Variants in NRXN3 observed in about 807,000 individuals in gnomAD.
The protein encoded by NRXN3 is neurexin III.
A neutral mutation model predicts 137.6 loss-of-function variants in NRXN3; 32 were observed. The observed-to-expected ratio is 0.23, with a 90% CI of 0.18 to 0.31. NRXN3 has a LOEUF of 0.31. Ranked by LOEUF, NRXN3 falls within the 10% of genes least tolerant of loss-of-function variation. The probability of loss-of-function intolerance (pLI) is 1.00; values close to 1 mark genes in which losing one functional copy is unlikely to be tolerated. For missense variants in NRXN3, 1,574 were observed against 2,062.5 expected, an observed-to-expected ratio of 0.76 and a Z score of 4.59; for synonymous variants, 798 against 784.5, an observed-to-expected ratio of 1.02 and a Z score of -0.29.
chr14:78,820,560 C>A (rs919793442), intron 10 of NRXN3, among the ~76,000 whole-genome samples: 1 of 151,806 alleles, frequency 6.6e-6, no homozygotes, highest in Non-Finnish European at 1.5e-5. Context: ...ATTTCCTTCT[C>A]AAAATTAAGC....
At chr14:79,245,880 A>G (rs1007753428) in intron 15 of NRXN3, among the ~76,000 whole-genome samples, 2 of 152,144 alleles carry the variant, frequency 1.3e-5, no homozygotes, top group African/African-American at 2.4e-5. Context: ...TAAAGGAAGA[A>G]AAAAGGGAAA....
chr14:78,731,167 T>C (rs954980543), intron 8 of NRXN3, among the ~76,000 whole-genome samples: 1 of 152,132 alleles, frequency 6.6e-6, no homozygotes, highest in African/African-American at 2.4e-5. Context: ...GGACAATTGA[T>C]ATAATGAATC....
chr14:78,849,707 GA>G (rs2099037423), intron 10 of NRXN3, among the ~76,000 whole-genome samples: 1 of 150,740 alleles, frequency 6.6e-6, no homozygotes, highest in Non-Finnish European at 1.5e-5. Context: ...GGAAGGAGTG[GA>G]ATTGGGGGTA....
intron 16 of NRXN3, 79 bp downstream of exon 16, chr14:79,467,481 A>T: frequency 7.8e-7 from 1 of 1,282,158 alleles, no homozygotes; most frequent in Non-Finnish European, 1.1e-6. Flanking sequence ...GCAGCAGAAC[A>T]TTCTAGATCA....
rs374160427 is a variant in NRXN3, at chr14:79,367,225, C to T, written c.3263-99996C>T. On this transcript the variant is annotated intron_variant, in intron 15 of 20. Coordinates refer to ENST00000335750, the MANE Select transcript of NRXN3 (RefSeq NM_001330195.2). ...GTCTCGATCTCCTGACCTCGTGATC[C>T]ACCAGCCTCAGCCTCCAAAAGTGCT... Among the ~76,000 whole-genome samples, 31 of 152,246 alleles carry T rather than the reference C, an allele frequency of 2.0e-4. No homozygotes were observed. The East Asian group carries it at 5.4e-3, about 27-fold the overall frequency.
chr14:79,494,886 C>T (rs2096751735), intron 16 of NRXN3, among the ~76,000 whole-genome samples: 1 of 152,104 alleles, frequency 6.6e-6, no homozygotes, highest in Non-Finnish European at 1.5e-5. Flanking sequence ...TCCAGGATAC[C>T]ACATTTTATG....
intron 16 of NRXN3, among the ~76,000 whole-genome samples, chr14:79,568,901 A>T (rs750375299): frequency 5.3e-5 from 8 of 152,214 alleles, no homozygotes; most frequent in Non-Finnish European, 1.2e-4. Flanking sequence ...CTGAATAGCC[A>T]TTTGGCCATG....
At chr14:78,716,029 A>C (rs1342479552) in intron 8 of NRXN3, among the ~76,000 whole-genome samples, 1 of 152,144 alleles carries the variant, frequency 6.6e-6, no homozygotes, top group Admixed American at 6.5e-5. Flanking sequence ...AAAAATGTCC[A>C]GAATAGAATT....
chr14:79,050,618 C>A (rs2099640476), intron 15 of NRXN3, among the ~76,000 whole-genome samples: 1 of 152,200 alleles, frequency 6.6e-6, no homozygotes, highest in Non-Finnish European at 1.5e-5. Flanking sequence ...CAAGAATATC[C>A]ATGCATTCGT....
chr14:79,715,612 GATA>G (rs1190536449), intron 19 of NRXN3, among the ~76,000 whole-genome samples: 1 of 152,192 alleles, frequency 6.6e-6, no homozygotes, highest in African/African-American at 2.4e-5. Flanking sequence ...GAGTTAAAAA[GATA>G]ATAAAGCAAG....
chr14:78,886,514 T>G (rs1188778866), intron 10 of NRXN3, among the ~76,000 whole-genome samples: 1 of 152,110 alleles, frequency 6.6e-6, no homozygotes, highest in African/African-American at 2.4e-5. Context: ...TCTTTTTTTC[T>G]GATCCCAAAC....
At chr14:78,305,280 A>T (rs1011511113) in intron 4 of NRXN3, among the ~76,000 whole-genome samples, 6 of 152,082 alleles carry the variant, frequency 3.9e-5, no homozygotes, top group African/African-American at 1.4e-4. Flanking sequence ...AACGATCAAG[A>T]ACTGATTTTT....
intron 19 of NRXN3, among the ~76,000 whole-genome samples, chr14:79,728,027 CTG>C (rs895736979): frequency 2.0e-5 from 3 of 152,150 alleles, no homozygotes; most frequent in Admixed American, 6.5e-5. Context: ...CTGGCCTCTA[CTG>C]AGAGGCAACT....
chr14:78,242,180 C>A (rs2067165685), intron 1 of NRXN3, among the ~76,000 whole-genome samples: 1 of 152,002 alleles, frequency 6.6e-6, no homozygotes, highest in South Asian at 2.1e-4. Flanking sequence ...ATATGGAAAA[C>A]CTGAGTGCAT....
At chr14:79,246,934 T>C (rs1029629256) in intron 15 of NRXN3, 2 of 152,234 alleles carry the variant, frequency 1.3e-5, no homozygotes, top group Non-Finnish European at 2.9e-5. Flanking sequence ...ATTCTTTGGG[T>C]ATTTACAGTC....
chr14:79,438,467 A>G (rs139729866), intron 15 of NRXN3, among the ~76,000 whole-genome samples: 2 of 152,286 alleles, frequency 1.3e-5, no homozygotes, highest in East Asian at 3.9e-4. Flanking sequence ...AGAAGTACTA[A>G]AAAGGCCTCT....
Position 79,244,064 on chromosome 14 carries a change from G to C in NRXN3, c.3263-223157G>C, listed in dbSNP as rs17108987. Among the ~76,000 whole-genome samples, 1,035 of 152,130 alleles carry C rather than the reference G, an allele frequency of 6.8e-3. 9 individuals are homozygous for C. The highest frequency in any genetic ancestry group is 0.023 in the African/African-American group (972 of 41,508). ...CTTGCACAATTATCCTGGCTCTATC[G>C]TTTGATGATTTTCTTTCTGCAACTA... On this transcript the variant is annotated intron_variant, in intron 15 of 20. Transcript: ENST00000335750.
chr14:79,453,081 G>GAAGATAGTCTTAAAACTTT (rs1310418804), intron 15 of NRXN3, among the ~76,000 whole-genome samples: 4 of 152,078 alleles, frequency 2.6e-5, no homozygotes, highest in African/African-American at 9.7e-5. Context: ...TTTGTTTTAA[G>GAAGATAGTCTTAAAACTTT]AAGAGCAAAC....
chr14:78,492,932 T>A (rs2095696036), intron 4 of NRXN3, among the ~76,000 whole-genome samples: 1 of 152,220 alleles, frequency 6.6e-6, no homozygotes, highest in Non-Finnish European at 1.5e-5. Flanking sequence ...AGTTTGGAAA[T>A]CCTGTATGGA....
Sources: gnomAD v4.1 joint callset for allele counts (sites outside exome capture counted in the v4.1 genomes callset) on GRCh38, gnomAD v4.1.1 for gene constraint, MANE v1.5 for transcripts, NCBI Gene and HGNC (gene_info 2026-07-23, HGNC 2026-07-21) for gene names.